The following NSUN6 variants were observed in gnomAD, a reference collection of about 807,000 sequenced individuals.
The protein encoded by NSUN6 is NOP2/Sun RNA methyltransferase 6, also known as tRNA (cytosine(72)-C(5))-methyltransferase NSUN6.
Under a neutral mutation model 58.0 loss-of-function variants are expected in NSUN6, and 64 were observed. That is an observed-to-expected ratio of 1.10 (90% CI 0.90 to 1.36). The LOEUF (loss-of-function observed/expected upper bound fraction) is 1.36, where lower values mean the gene tolerates loss of function less well. Among genes scored for constraint, NSUN6 ranks in the 40% most tolerant of loss-of-function variants. The pLI is 0.00. For missense variants in NSUN6, 701 were observed against 550.1 expected (o/e 1.27, Z -2.74); for synonymous variants, 231 against 193.9 (o/e 1.19, Z -1.59).
chr10:18,561,119 T>C (rs551665966), intron 8 of NSUN6, among the ~76,000 whole-genome samples: 3 of 111,966 alleles, frequency 2.7e-5, no homozygotes, highest in East Asian at 3.5e-4. Flanking sequence ...GAATAGAATA[T>C]AGAATGCAAT....
chr10:18,575,387 T>C (rs990493609), intron 8 of NSUN6, among the ~76,000 whole-genome samples: 35 of 152,194 alleles, frequency 2.3e-4, no homozygotes, highest in African/African-American at 8.2e-4. Context: ...CTAGTGATAG[T>C]AGACCACCTC....
chr10:18,630,808 A>G (rs1030523272), intron 3 of NSUN6, among the ~76,000 whole-genome samples: 28 of 152,158 alleles, frequency 1.8e-4, no homozygotes, highest in African/African-American at 4.6e-4. Context: ...ATTCACAGCC[A>G]AATTCTACCA....
At chr10:18,558,983 G>A (rs1173559058) in intron 8 of NSUN6, among the ~76,000 whole-genome samples, 2 of 151,170 alleles carry the variant, frequency 1.3e-5, no homozygotes, top group Admixed American at 6.6e-5. Context: ...AGAATGGAAT[G>A]GAGAATGCAA....
chr10:18,630,105 C>G (rs943643159), intron 3 of NSUN6, among the ~76,000 whole-genome samples: 4 of 137,968 alleles, frequency 2.9e-5, no homozygotes, highest in Non-Finnish European at 6.2e-5. Flanking sequence ...GAACCTCACT[C>G]AAAACTGCTC....
intron 8 of NSUN6, among the ~76,000 whole-genome samples, chr10:18,559,123 C>T (rs528680807): frequency 1.5e-4 from 19 of 127,444 alleles, no homozygotes; most frequent in African/African-American, 5.7e-4. Context: ...TTGAATGGAA[C>T]GAAGAGTGGA....
intron 6 of NSUN6, among the ~76,000 whole-genome samples, chr10:18,602,226 C>A (rs562436693): frequency 2.0e-4 from 30 of 150,874 alleles, no homozygotes; most frequent in African/African-American, 5.3e-4. Context: ...CCACACCCAG[C>A]TAATTTTTGT....
chr10:18,591,239 T>C (rs1435783309), intron 7 of NSUN6, among the ~76,000 whole-genome samples: 1 of 152,076 alleles, frequency 6.6e-6, no homozygotes, highest in Non-Finnish European at 1.5e-5. Flanking sequence ...ATTGAGGCGG[T>C]AATAGCCTAC....
At chr10:18,563,610 T>A (rs62636215) in intron 8 of NSUN6, among the ~76,000 whole-genome samples, 117,816 of 150,922 alleles carry the variant, frequency 0.78, 46,156 homozygotes, top group East Asian at 0.98. Context: ...ATTCCATTGC[T>A]TTTTCTATTC....
At chr10:18,614,709 A>C in intron 4 of NSUN6, 96 bp from the exon 5 acceptor site, 1 of 481,564 alleles carries the variant, frequency 2.1e-6, no homozygotes, top group South Asian at 7.6e-5. Context: ...TAGAGGCATC[A>C]ATAGTGGGCA....
chr10:18,633,491 C>G (rs961634331), intron 3 of NSUN6, among the ~76,000 whole-genome samples: 2 of 151,790 alleles, frequency 1.3e-5, no homozygotes, highest in Non-Finnish European at 2.9e-5. Context: ...TAAGAAACAG[C>G]TATAATCCCG....
chr10:18,620,378 C>A (rs893044733), intron 3 of NSUN6, among the ~76,000 whole-genome samples: 1 of 152,080 alleles, frequency 6.6e-6, no homozygotes, highest in Non-Finnish European at 1.5e-5. Flanking sequence ...TGAGCCACTG[C>A]GCCCGACAAT....
chr10:18,586,839 TATTGGTCCATTTTACAGAGCGCTG>T (rs1471034055), intron 7 of NSUN6, among the ~76,000 whole-genome samples: 1 of 152,186 alleles, frequency 6.6e-6, no homozygotes, highest in Non-Finnish European at 1.5e-5. Flanking sequence ...ACATCCTGCC[TATTGGTCCATTTTACAGAGCGCTG>T]ATTGGTCCAT....
At chr10:18,553,912 G>A (rs1372792851) in intron 8 of NSUN6, among the ~76,000 whole-genome samples, 1 of 151,344 alleles carries the variant, frequency 6.6e-6, no homozygotes, top group Non-Finnish European at 1.5e-5. Flanking sequence ...GAATGGAATG[G>A]AATGGAATGG....
chr10:18,651,200 A>T lies in NSUN6; in HGVS notation c.4T>A (p.Ser2Thr). M[S>T]IFPKISLRPE... ...CTCAAAGATATCTTAGGGAAAATAGACATTTTTCCTGTTGTTTAGTTCTCC... is the reference window on the plus strand; with the variant it reads ...CTCAAAGATATCTTAGGGAAAATAGTCATTTTTCCTGTTGTTTAGTTCTCC... Residue 2 changes from serine to threonine, a missense_variant, in exon 1 of 11, where the codon TCT becomes ACT. Coordinates refer to ENST00000377304, the MANE Select transcript of NSUN6 (RefSeq NM_182543.5). The T allele has an allele frequency of 6.4e-7, 1 of 1,561,246 alleles. No individual in the cohort carries two copies. The highest frequency in any genetic ancestry group is 1.2e-5 in the South Asian group (1 of 82,598).
rs149498731 is a variant in NSUN6 at position 18,551,892 on chromosome 10, G to C, written c.1002C>G (p.Asn334Lys). 49 of 1,612,090 alleles carry C rather than the reference G, an allele frequency of 3.0e-5. No homozygotes were observed. The highest frequency in any genetic ancestry group is 4.2e-5 in the Non-Finnish European group (49 of 1,178,384). ...CCTTCACAGACCAAGTACAGGCCAT[G>C]TTTGGTCTCTGTCCCATTCCACTAC... is the stretch of plus-strand genomic sequence containing the variant. ...APCSGMGQRP[N>K]MACTWSVKEV... The change falls in exon 9 of 11, where the codon AAC becomes AAG. Residue 334 changes from asparagine to lysine, a missense_variant. Physicochemically the swap from Asn to Lys is moderately conservative, Grantham distance 94 (BLOSUM62 0). Transcript: ENST00000377304.
intron 2 of NSUN6, among the ~76,000 whole-genome samples, chr10:18,647,729 T>G (rs1206846642): frequency 3.8e-5 from 2 of 53,212 alleles, no homozygotes. Flanking sequence ...CACCTTGTTT[T>G]TTTTTTTTTT....
intron 6 of NSUN6, among the ~76,000 whole-genome samples, chr10:18,602,317 C>T (rs1470880211): frequency 4.0e-5 from 6 of 151,126 alleles, no homozygotes; most frequent in Non-Finnish European, 7.4e-5. Flanking sequence ...AATCTCGGCT[C>T]ACTGCAAGCT....
rs2059619778 is a variant in NSUN6 at position 18,648,685 on chromosome 10, AAC to A, written c.76-42_76-41del. On this transcript the variant is annotated intron_variant, in intron 1 of 10. Transcript: ENST00000377304. ...ATGTTTAAATTTCCTGAGAATTAAA[AAC>A]AGTCAGCAGAGCATCCTTATATATT... 3 of 1,225,688 alleles carry A rather than the reference AAC, an allele frequency of 2.4e-6. No individual in the cohort carries two copies. In the African/African-American group the frequency reaches 4.5e-5, roughly 18 times the overall value. 75.9% of individuals were successfully genotyped at this position (1,225,688 alleles called of 1,614,324 possible).
intron 3 of NSUN6, among the ~76,000 whole-genome samples, chr10:18,637,332 T>C (rs1044099901): frequency 1.6e-4 from 25 of 152,236 alleles, no homozygotes; most frequent in Non-Finnish European, 3.4e-4. Context: ...TTCCCTGCAA[T>C]AGCTCACCAT....
Sources: allele counts gnomAD v4.1 joint callset (sites outside exome capture counted in the v4.1 genomes callset), GRCh38; gene constraint gnomAD v4.1.1; transcripts MANE v1.5; gene names NCBI Gene and HGNC (gene_info 2026-07-23, HGNC 2026-07-21).